The following ZBTB20 variants were observed in gnomAD, a reference collection of about 807,000 sequenced individuals.
The protein encoded by ZBTB20 is zinc finger and BTB domain-containing protein 20.
ZBTB20 carries 9 observed loss-of-function variants against 56.9 expected under a neutral mutation model. The ratio of observed to expected loss-of-function variants is 0.16; its 90% confidence interval spans 0.10 to 0.28. The LOEUF (loss-of-function observed/expected upper bound fraction) is 0.28, where lower values mean the gene tolerates loss of function less well. Among genes scored for constraint, ZBTB20 ranks in the 10% least tolerant of loss-of-function variants. The pLI is 1.00. For missense variants in ZBTB20, 655 were observed against 1,003.0 expected, an observed-to-expected ratio of 0.65 and a Z score of 4.69; for synonymous variants, 417 against 420.7, an observed-to-expected ratio of 0.99 and a Z score of 0.11.
At chr3:114,871,304 A>G (rs747031097) in intron 4 of ZBTB20, among the ~76,000 whole-genome samples, 7 of 152,102 alleles carry the variant, frequency 4.6e-5, no homozygotes, top group Admixed American at 6.6e-5. Flanking sequence ...CTTTAGGTCC[A>G]TGGATAGATG....
At chr3:114,633,837 G>GT (rs2059104557) in intron 6 of ZBTB20, among the ~76,000 whole-genome samples, 1 of 152,086 alleles carries the variant, frequency 6.6e-6, no homozygotes, top group African/African-American at 2.4e-5. Flanking sequence ...ATGAAAAATA[G>GT]TAACAAAGGA....
chr3:114,358,401 T>C (rs2081462783), intron 10 of ZBTB20, among the ~76,000 whole-genome samples: 1 of 152,214 alleles, frequency 6.6e-6, no homozygotes, highest in Admixed American at 6.5e-5. Flanking sequence ...CATTCCTGAC[T>C]TCTTTTTCCT....
intron 4 of ZBTB20, among the ~76,000 whole-genome samples, chr3:114,822,920 G>A (rs901697445): frequency 1.3e-4 from 20 of 152,038 alleles, no homozygotes; most frequent in Non-Finnish European, 2.9e-5. Flanking sequence ...TATGAATCAA[G>A]ATGAGATCCT....
chr3:114,454,028 G>T (rs1457383350), intron 7 of ZBTB20, among the ~76,000 whole-genome samples: 1 of 142,258 alleles, frequency 7.0e-6, no homozygotes, highest in Admixed American at 7.4e-5. Flanking sequence ...AACACTTAGA[G>T]GCTTTTGGGC....
chr3:114,783,416 T>C (rs1370650948), intron 5 of ZBTB20, among the ~76,000 whole-genome samples: 1 of 152,178 alleles, frequency 6.6e-6, no homozygotes, highest in African/African-American at 2.4e-5. Flanking sequence ...TATGGATTCA[T>C]GAAGCACAAA....
At chr3:115,015,104 T>C (rs925241884) in intron 2 of ZBTB20, among the ~76,000 whole-genome samples, 1 of 151,832 alleles carries the variant, frequency 6.6e-6, no homozygotes, top group Non-Finnish European at 1.5e-5. Context: ...AGATGCCCTA[T>C]ATGCTATGCA....
chr3:114,422,080 T>C (rs1440361534), intron 7 of ZBTB20, among the ~76,000 whole-genome samples: 1 of 152,322 alleles, frequency 6.6e-6, no homozygotes, highest in African/African-American at 2.4e-5. Flanking sequence ...AGATGAAGTT[T>C]AGAAGAATTC....
chr3:114,408,202 T>A (rs563342069), intron 7 of ZBTB20, among the ~76,000 whole-genome samples: 1 of 152,318 alleles, frequency 6.6e-6, no homozygotes, highest in African/African-American at 2.4e-5. Context: ...GCTTATATGA[T>A]AAAAAATACT....
chr3:114,897,692 T>A (rs981898553), intron 4 of ZBTB20, among the ~76,000 whole-genome samples: 1 of 152,116 alleles, frequency 6.6e-6, no homozygotes, highest in African/African-American at 2.4e-5. Context: ...CACACTAAGA[T>A]TCACTGGAAA....
At chr3:114,635,583 G>A (rs2059217067) in intron 6 of ZBTB20, among the ~76,000 whole-genome samples, 1 of 151,936 alleles carries the variant, frequency 6.6e-6, no homozygotes, top group Non-Finnish European at 1.5e-5. Context: ...AAAATGAGAA[G>A]TTAAATAAAG....
At chr3:115,116,236 G>C (rs1276025066) in intron 1 of ZBTB20, among the ~76,000 whole-genome samples, 1 of 151,982 alleles carries the variant, frequency 6.6e-6, no homozygotes, top group African/African-American at 2.4e-5. Flanking sequence ...AAGTAGCAAT[G>C]CATGTAAATA....
At chr3:114,495,222 A>G (rs1313599983) in intron 7 of ZBTB20, among the ~76,000 whole-genome samples, 2 of 152,228 alleles carry the variant, frequency 1.3e-5, no homozygotes, top group African/African-American at 2.4e-5. Context: ...TGCTTTAACT[A>G]TCCAATAAAA....
At position 114,945,224 on chromosome 3, in the gene ZBTB20, G is replaced by C. The variant is rs986262706; in HGVS notation, c.-456+29142C>G. Among the ~76,000 whole-genome samples the C allele has an allele frequency of 4.8e-5, 7 of 144,820 alleles. 1 individual carries two copies. Among genetic ancestry groups the C allele is most frequent in the Admixed American group, 1.3e-4 (2 of 14,994 alleles). On this transcript the variant is annotated intron_variant, in intron 3 of 11. Transcript: ENST00000675478. Reference sequence around the variant, plus strand: ...AAAAGTCAAAATAAGAATATTTTCAGAAAAACAAAACTGCGGAAATATTTC... The same window carrying C: ...AAAAGTCAAAATAAGAATATTTTCACAAAAACAAAACTGCGGAAATATTTC...
At chr3:114,366,108 T>C (rs893569044) in intron 10 of ZBTB20, among the ~76,000 whole-genome samples, 6 of 152,230 alleles carry the variant, frequency 3.9e-5, no homozygotes, top group Non-Finnish European at 7.3e-5. Flanking sequence ...TGCTAGGGAT[T>C]CAGCAGTGGA....
At chr3:114,654,085 A>G (rs150505627) in intron 6 of ZBTB20, among the ~76,000 whole-genome samples, 6 of 151,446 alleles carry the variant, frequency 4.0e-5, no homozygotes, top group African/African-American at 1.2e-4. Context: ...TCTTCTTTGT[A>G]GTTTGTTTTT....
At position 114,406,579 on chromosome 3, in the gene ZBTB20, C is replaced by T. The variant is rs116658623; in HGVS notation, c.-254-17474G>A. Among the ~76,000 whole-genome samples the T allele has an allele frequency of 5.0e-3, 767 of 152,216 alleles. 5 individuals are homozygous for T. The highest frequency in any genetic ancestry group is 0.017 in the African/African-American group (726 of 41,538). On this transcript the variant is annotated intron_variant, in intron 7 of 11. Transcript: ENST00000675478. ...AACTGCGCCTTACTCGAGATGACAA[C>T]ATACATTATATAACTAAGATCAATG...
At chr3:114,805,792 C>T (rs571592497) in intron 4 of ZBTB20, among the ~76,000 whole-genome samples, 2 of 151,926 alleles carry the variant, frequency 1.3e-5, no homozygotes, top group African/African-American at 4.8e-5. Flanking sequence ...CAAATATTTT[C>T]TCTCTCTATA....
At chr3:115,110,209 G>GAA (rs869066317) in intron 1 of ZBTB20, among the ~76,000 whole-genome samples, 8 of 111,542 alleles carry the variant, frequency 7.2e-5, no homozygotes, top group African/African-American at 1.0e-4. Context: ...CTCTGTCTTA[G>GAA]AAAAAAAAAA....
chr3:114,464,277 C>T (rs1234716576), intron 7 of ZBTB20, among the ~76,000 whole-genome samples: 1 of 152,114 alleles, frequency 6.6e-6, no homozygotes, highest in Non-Finnish European at 1.5e-5. Flanking sequence ...TTTAAAAAAA[C>T]ATATACATTG....
Sources: allele counts gnomAD v4.1 joint callset (sites outside exome capture counted in the v4.1 genomes callset), GRCh38; gene constraint gnomAD v4.1.1; transcripts MANE v1.5; gene names NCBI Gene and HGNC (gene_info 2026-07-23, HGNC 2026-07-21).